PRDM11: variants seen among roughly 807,000 people sequenced by gnomAD.
PRDM11 encodes PR domain-containing protein 11.
PRDM11 carries 20 observed loss-of-function variants against 97.8 expected under a neutral mutation model. The observed-to-expected ratio is 0.20, with a 90% confidence interval of 0.14 to 0.30. PRDM11 has a LOEUF of 0.30. PRDM11 is among the 10% of genes least tolerant of loss of function. The probability of loss-of-function intolerance (pLI) is 1.00; values close to 1 mark genes in which losing one functional copy is unlikely to be tolerated. For synonymous variants in PRDM11, 599 were observed against 637.7 expected, an observed-to-expected ratio of 0.94 and a Z score of 0.91; for missense variants, 1,139 against 1,555.2, an observed-to-expected ratio of 0.73 and a Z score of 4.50.
chr11:45,104,603 C>T (rs530539059), intron 1 of PRDM11, among the ~76,000 whole-genome samples: 1 of 152,120 alleles, frequency 6.6e-6, no homozygotes, highest in Non-Finnish European at 1.5e-5. Context: ...TGACCCATCT[C>T]CCACCTGGGA....
At chr11:45,134,937 A>G (rs111494010) in intron 1 of PRDM11, among the ~76,000 whole-genome samples, 13 of 152,186 alleles carry the variant, frequency 8.5e-5, no homozygotes, top group Admixed American at 3.3e-4. Context: ...AGAGGTTAAT[A>G]TGGAAAAATA....
Position 45,219,984 on chromosome 11 carries a change from C to T in PRDM11, c.742+227C>T, listed in dbSNP as rs960950149. Among the ~76,000 whole-genome samples, 10 of 152,182 alleles carry T rather than the reference C, an allele frequency of 6.6e-5. No homozygotes were observed. The highest frequency in any genetic ancestry group is 2.4e-4 in the African/African-American group (10 of 41,442). On this transcript the variant is annotated intron_variant, in intron 6 of 7. Transcript: ENST00000683152. This position sits in a 1 kb window ranked among gnomAD's most constrained non-coding sequence, Gnocchi z 4.2. The stretch of plus-strand genomic sequence containing the variant: ...TGGTCTCAGAAATCCTTACCACACA[C>T]ATTTCAGAGTATTCATGAGAGAGAC...
Position 45,234,483 on chromosome 11 carries a change from A to C in PRDM11, c.*6324A>C, listed in dbSNP as rs959401892. 6.6e-6 allele frequency: 1 copy of C among 152,342 alleles called. No homozygotes were observed. The highest frequency in any genetic ancestry group is 1.5e-5 in the Non-Finnish European group (1 of 68,220). The allele number at this position is 152,342 out of a possible 1,614,324, so 9.4% of individuals were successfully genotyped here. ...CTCCTTGAGCCACAGTTAGCTGCCA[A>C]CTGGGTCTTGGGACACCCTCCAGTA... On this transcript the variant is annotated 3_prime_UTR_variant, in exon 8 of 8. Coordinates refer to ENST00000683152, the MANE Select transcript of PRDM11 (RefSeq NM_001384648.1).
At chr11:45,206,625 C>G (rs1221985374) in intron 5 of PRDM11, among the ~76,000 whole-genome samples, 1 of 152,178 alleles carries the variant, frequency 6.6e-6, no homozygotes, top group Non-Finnish European at 1.5e-5. Flanking sequence ...TTCTCAAAAC[C>G]CCAAAAAAGG....
At position 45,228,227 on chromosome 11, in the gene PRDM11, ATAT is replaced by A. The variant is rs1854323882; in HGVS notation, c.*72_*74del. On this transcript the variant is annotated 3_prime_UTR_variant, in exon 8 of 8. Coordinates refer to ENST00000683152, the MANE Select transcript of PRDM11 (RefSeq NM_001384648.1). ...TTAATCTATACTCATAAGCTTTGAT[ATAT>A]TATATAAATATATATTATATTATAT... 1.9e-6 allele frequency: 1 copy of A among 531,978 alleles called. No homozygotes were observed. The highest frequency in any genetic ancestry group is 2.5e-6 in the Non-Finnish European group (1 of 399,354). The allele number at this position is 531,978 out of a possible 1,614,324, so 33.0% of individuals were successfully genotyped here.
chr11:45,194,990 CTT>C (rs1853065990), intron 4 of PRDM11, among the ~76,000 whole-genome samples: 1 of 151,612 alleles, frequency 6.6e-6, no homozygotes, highest in African/African-American at 2.4e-5. Context: ...GGGGCCAGGA[CTT>C]TTAACTAGAT....
chr11:45,197,622 A>T (rs998639973), intron 4 of PRDM11, among the ~76,000 whole-genome samples: 28 of 152,330 alleles, frequency 1.8e-4, no homozygotes, highest in African/African-American at 6.5e-4. Flanking sequence ...CAAGTTAGAT[A>T]TGTTAAATAC....
At chr11:45,199,113 C>T (rs1252078960) in intron 4 of PRDM11, among the ~76,000 whole-genome samples, 4 of 152,144 alleles carry the variant, frequency 2.6e-5, no homozygotes, top group Admixed American at 2.0e-4. Flanking sequence ...CATGTGGATC[C>T]ACCTGGACCA....
At chr11:45,130,043 A>G (rs1195091776) in intron 1 of PRDM11, among the ~76,000 whole-genome samples, 2 of 152,224 alleles carry the variant, frequency 1.3e-5, no homozygotes, top group Non-Finnish European at 2.9e-5. Flanking sequence ...TGCCTTTTAA[A>G]TAAATGGCCT....
At chr11:45,164,176 C>T (rs1387883811) in intron 1 of PRDM11, among the ~76,000 whole-genome samples, 2 of 152,168 alleles carry the variant, frequency 1.3e-5, no homozygotes, top group Non-Finnish European at 2.9e-5. Context: ...CAGCACCCCG[C>T]GGGTCCCCGG....
At chr11:45,162,373 AGAG>A (rs1851951230) in intron 1 of PRDM11, among the ~76,000 whole-genome samples, 1 of 152,062 alleles carries the variant, frequency 6.6e-6, no homozygotes, top group Admixed American at 6.5e-5. Context: ...TAAGGCTCAG[AGAG>A]GCCCAAAGGG....
upstream of PRDM11, among the ~76,000 whole-genome samples, chr11:45,142,330 G>A (rs1284728343): frequency 6.6e-6 from 1 of 152,084 alleles, no homozygotes; most frequent in Non-Finnish European, 1.5e-5. Context: ...CATAGAACAA[G>A]CCAATTCCAT....
At chr11:45,204,625 G>T in intron 4 of PRDM11, 86 bp from the exon 5 acceptor site, 1 of 1,273,742 alleles carries the variant, frequency 7.9e-7, no homozygotes, top group Non-Finnish European at 1.1e-6. Context: ...GGTGGGACCA[G>T]GCCCTGGGCC....
At chr11:45,181,490 G>A (rs1268549441) in intron 1 of PRDM11, among the ~76,000 whole-genome samples, 1 of 152,234 alleles carries the variant, frequency 6.6e-6, no homozygotes, top group Non-Finnish European at 1.5e-5. Flanking sequence ...GCTTCCCAGC[G>A]CGGCCTCCTG....
chr11:45,175,249 A>G (rs1447342357), intron 1 of PRDM11, among the ~76,000 whole-genome samples: 2 of 152,232 alleles, frequency 1.3e-5, no homozygotes, highest in East Asian at 3.8e-4. Context: ...AGTATCATAC[A>G]GAGTAATTTT....
chr11:45,112,672 C>CA (rs1315222627), intron 1 of PRDM11, among the ~76,000 whole-genome samples: 1 of 152,256 alleles, frequency 6.6e-6, no homozygotes, highest in East Asian at 1.9e-4. Context: ...TTTGGATTTG[C>CA]ATTTCCCCGA....
chr11:45,134,302 C>T (rs1335853020), intron 1 of PRDM11, among the ~76,000 whole-genome samples: 1 of 152,146 alleles, frequency 6.6e-6, no homozygotes, highest in Non-Finnish European at 1.5e-5. Context: ...CCTTGAGACT[C>T]ATAAGCGTAC....
chr11:45,213,473 G>A (rs1308320641), intron 5 of PRDM11: 1 of 455,420 alleles, frequency 2.2e-6, no homozygotes, highest in African/African-American at 2.0e-5. Flanking sequence ...AGGCCTGATG[G>A]GCAGGTCAAG....
chr11:45,195,692 GC>G (rs1856578293), intron 4 of PRDM11, among the ~76,000 whole-genome samples: 1 of 151,834 alleles, frequency 6.6e-6, no homozygotes, highest in Admixed American at 6.6e-5. Flanking sequence ...TCCTGCCTCA[GC>G]CTCCCAAGTA....
Sources: gnomAD v4.1 joint callset for allele counts (sites outside exome capture counted in the v4.1 genomes callset) on GRCh38, gnomAD v4.1.1 for gene constraint, Gnocchi (gnomAD v3.1) non-coding constraint, MANE v1.5 for transcripts, NCBI Gene and HGNC (gene_info 2026-07-23, HGNC 2026-07-21) for gene names.